Variants in SOAT1 observed in about 807,000 individuals in gnomAD.
SOAT1 encodes the protein acyl-coenzyme A:cholesterol acyltransferase 1.
In SOAT1, 55 loss-of-function variants were observed where a neutral mutation model predicts 69.5. The observed-to-expected ratio is 0.79, with a 90% CI of 0.64 to 0.99. The LOEUF is 0.99. SOAT1 is among the 50% of genes least tolerant of loss of function. SOAT1 has a pLI of 0.00. For missense variants in SOAT1, 580 were observed against 669.3 expected (o/e 0.87, Z 1.47); for synonymous variants, 231 against 224.7 (o/e 1.03, Z -0.25).
At chr1:179,305,948 T>C (rs1664987685) in intron 2 of SOAT1, among the ~76,000 whole-genome samples, 1 of 152,120 alleles carries the variant, frequency 6.6e-6, no homozygotes, top group Non-Finnish European at 1.5e-5. Flanking sequence ...ACCGATGGGG[T>C]TGGGGGAGCC....
intron 2 of SOAT1, among the ~76,000 whole-genome samples, chr1:179,313,019 A>G (rs1023237774): frequency 6.6e-6 from 1 of 152,214 alleles, no homozygotes; most frequent in East Asian, 1.9e-4. Context: ...TCGCAAAGGC[A>G]GTGACATGCA....
intron 3 of SOAT1, among the ~76,000 whole-genome samples, chr1:179,327,589 T>A (rs1264100172): frequency 6.6e-6 from 1 of 152,220 alleles, no homozygotes; most frequent in East Asian, 1.9e-4. Flanking sequence ...CAATGAATAC[T>A]TTTTTAGTAA....
chr1:179,323,352 GT>G, intron 2 of SOAT1, 84 bp from the exon 3 acceptor site: 1 of 1,126,738 alleles, frequency 8.9e-7, no homozygotes. Context: ...CTTTGTATTT[GT>G]TTGTTTTCAA....
intron 10 of SOAT1, among the ~76,000 whole-genome samples, chr1:179,344,154 T>G (rs115537000): frequency 6.6e-6 from 1 of 152,018 alleles, no homozygotes; most frequent in Non-Finnish European, 1.5e-5. Flanking sequence ...ATAAAGTAAT[T>G]CTAATTGGTT....
chr1:179,304,129 T>C (rs1664924176), intron 2 of SOAT1, among the ~76,000 whole-genome samples: 1 of 152,234 alleles, frequency 6.6e-6, no homozygotes, highest in East Asian at 1.9e-4. Flanking sequence ...TTTGGTTTAA[T>C]GTAAATAATG....
chr1:179,341,930 T>G, intron 7 of SOAT1, 184 bp from the exon 8 acceptor site: 1 of 413,024 alleles, frequency 2.4e-6, no homozygotes, highest in Non-Finnish European at 3.3e-6. Flanking sequence ...AAAACTTCAC[T>G]TTTGAAATGT....
intron 1 of SOAT1, among the ~76,000 whole-genome samples, chr1:179,301,115 T>C (rs1176351367): frequency 6.6e-6 from 1 of 152,108 alleles, no homozygotes; most frequent in Non-Finnish European, 1.5e-5. Flanking sequence ...ATAAATAATT[T>C]TGAGATGTGG....
chr1:179,353,211 A>ATATATATGT (rs1553248887), intron 15 of SOAT1, among the ~76,000 whole-genome samples: 1 of 64,522 alleles, frequency 1.5e-5, no homozygotes, highest in Non-Finnish European at 3.2e-5. Flanking sequence ...ATATATAAAT[A>ATATATATGT]TATATATATA....
chr1:179,313,438 T>C (rs886466068), intron 2 of SOAT1, among the ~76,000 whole-genome samples: 1 of 152,096 alleles, frequency 6.6e-6, no homozygotes. Flanking sequence ...CCCATTTCTT[T>C]TTACTTTTTA....
intron 8 of SOAT1, 38 bp downstream of exon 8, chr1:179,342,230 T>TC: frequency 8.5e-7 from 1 of 1,171,698 alleles, no homozygotes; most frequent in East Asian, 3.9e-5. Context: ...CTTCCTCCCC[T>TC]CCCCTCCTCT....
intron 3 of SOAT1, among the ~76,000 whole-genome samples, chr1:179,328,068 T>C (rs543221401): frequency 2.0e-5 from 3 of 152,300 alleles, no homozygotes; most frequent in Admixed American, 6.5e-5. Context: ...CCCAACCAAC[T>C]TACATTAACA....
At chr1:179,294,359 C>CTT (rs1558032028) in intron 1 of SOAT1, 1 of 152,136 alleles carries the variant, frequency 6.6e-6, no homozygotes, top group East Asian at 1.9e-4. Context: ...GCACCAGAAC[C>CTT]TTTAATCAAG....
intron 2 of SOAT1, among the ~76,000 whole-genome samples, chr1:179,322,026 C>T (rs569793026): frequency 2.6e-5 from 4 of 151,912 alleles, no homozygotes; most frequent in Admixed American, 1.3e-4. Context: ...GGACTACAGG[C>T]GTGCACCACC....
chr1:179,317,464 C>T (rs1665433927), intron 2 of SOAT1, among the ~76,000 whole-genome samples: 1 of 145,360 alleles, frequency 6.9e-6, no homozygotes, highest in African/African-American at 2.5e-5. Context: ...ACCCAGGAGG[C>T]GGAGCTTGCA....
At chr1:179,334,402 A>G (rs1442440666) in intron 3 of SOAT1, among the ~76,000 whole-genome samples, 2 of 152,156 alleles carry the variant, frequency 1.3e-5, no homozygotes, top group Non-Finnish European at 2.9e-5. Context: ...TCTTCAAGGA[A>G]TATAGTGACT....
intron 9 of SOAT1, 60 bp downstream of exon 9, chr1:179,343,003 G>C: frequency 7.5e-7 from 1 of 1,341,968 alleles, no homozygotes; most frequent in Non-Finnish European, 1.1e-6. Flanking sequence ...GAGTGAGGTG[G>C]GATAGGTAAA....
In SOAT1 at chr1:179,342,252, A is replaced by ATTCCCTTCCC. The variant is rs533532990; in HGVS notation, c.859+74_859+83dup. On this transcript the variant is annotated intron_variant, in intron 8 of 15. Transcript: ENST00000367619. ...CCCTCCCCTCCTCTCCCCCCACCCC[A>ATTCCCTTCCC]TTCCCTTCCCTTCCCTTCCCTTCTT... 12 of 851,982 alleles carry ATTCCCTTCCC rather than the reference A, an allele frequency of 1.4e-5. No homozygotes were observed. The African/African-American group carries it at 3.3e-4, about 24-fold the overall frequency. 52.8% of individuals were successfully genotyped at this position (851,982 alleles called of 1,614,324 possible). A position where few individuals can be genotyped will look rare whatever the true frequency, so the allele number is the denominator to read the frequency against.
intron 10 of SOAT1, among the ~76,000 whole-genome samples, chr1:179,344,621 G>A (rs965454822): frequency 1.3e-5 from 2 of 151,872 alleles, no homozygotes; most frequent in South Asian, 2.1e-4. Context: ...TCATCCACCC[G>A]CCTCAGCCTC....
rs1666682327 is a variant in SOAT1 at position 179,350,362 on chromosome 1, G to T, written c.1381G>T (p.Glu461Ter). The T allele has an allele frequency of 6.2e-6, 10 of 1,614,018 alleles. No individual in the cohort carries two copies. The highest frequency in any genetic ancestry group is 8.5e-6 in the Non-Finnish European group (10 of 1,179,946). The stretch of plus-strand genomic sequence containing the variant: ...CTTTGCTGTATCTGCTGTAGTACAC[G>T]AATATGCCTTGGCTGTTTGCTTGAG... ...AVFAVSAVVH[E>*]YALAVCLSFF... Residue 461 changes from glutamate to a stop codon, truncating the protein, a stop_gained, in exon 14 of 16, where the codon GAA becomes TAA. Coordinates refer to ENST00000367619, the MANE Select transcript of SOAT1 (RefSeq NM_003101.6). LOFTEE classifies it high-confidence loss of function.
Sources: gnomAD v4.1 joint callset for allele counts (sites outside exome capture counted in the v4.1 genomes callset) on GRCh38, gnomAD v4.1.1 for gene constraint, MANE v1.5 for transcripts, NCBI Gene and HGNC (gene_info 2026-07-23, HGNC 2026-07-21) for gene names.